FBXL17: variants seen among roughly 807,000 people sequenced by gnomAD.
FBXL17 encodes the protein F-box and leucine rich repeat protein 17.
A neutral mutation model predicts 66.2 loss-of-function variants in FBXL17; 22 were observed. That is an observed-to-expected ratio of 0.33 (90% CI 0.24 to 0.47). The LOEUF is 0.47. Ranked by LOEUF, FBXL17 falls within the 20% of genes least tolerant of loss-of-function variation. FBXL17 has a pLI of 1.00. For synonymous variants in FBXL17, 474 were observed against 400.5 expected, an observed-to-expected ratio of 1.18 and a Z score of -2.19; for missense variants, 878 against 948.2, an observed-to-expected ratio of 0.93 and a Z score of 0.97.
chr5:108,367,364 T>G (rs1748734351), intron 2 of FBXL17, among the ~76,000 whole-genome samples: 1 of 152,086 alleles, frequency 6.6e-6, no homozygotes, highest in Non-Finnish European at 1.5e-5. Context: ...CTTAGCCTAT[T>G]TTACTTCCAT....
chr5:107,980,742 C>T (rs1461095793), intron 7 of FBXL17, among the ~76,000 whole-genome samples: 6 of 141,814 alleles, frequency 4.2e-5, no homozygotes, highest in Admixed American at 2.1e-4. Flanking sequence ...CTGTCAGCTC[C>T]GCCTCCCGGG....
At chr5:108,176,940 A>T (rs966202450) in intron 6 of FBXL17, among the ~76,000 whole-genome samples, 3 of 152,148 alleles carry the variant, frequency 2.0e-5, no homozygotes, top group Non-Finnish European at 2.9e-5. Context: ...CCACATACTT[A>T]AAAAAGTAGA....
intron 7 of FBXL17, among the ~76,000 whole-genome samples, chr5:107,974,678 T>A (rs1752513533): frequency 6.6e-6 from 1 of 152,162 alleles, no homozygotes; most frequent in Non-Finnish European, 1.5e-5. Flanking sequence ...TTTTCTATTT[T>A]TTTTTTAGTT....
At chr5:108,361,498 T>C (rs2112552376) in intron 3 of FBXL17, among the ~76,000 whole-genome samples, 1 of 152,196 alleles carries the variant, frequency 6.6e-6, no homozygotes, top group Admixed American at 6.6e-5. Flanking sequence ...ACAGTCTTCT[T>C]AGGTCGTTCC....
intron 7 of FBXL17, among the ~76,000 whole-genome samples, chr5:107,912,450 G>T (rs1280321458): frequency 6.6e-6 from 1 of 151,968 alleles, no homozygotes; most frequent in Non-Finnish European, 1.5e-5. Context: ...ATAAAACATA[G>T]TATATTCATT....
intron 7 of FBXL17, among the ~76,000 whole-genome samples, chr5:108,016,765 TTTTTC>T (rs1430273240): frequency 1.6e-5 from 2 of 128,060 alleles, no homozygotes; most frequent in East Asian, 6.3e-4. Context: ...AAATTATCTT[TTTTTC>T]TTTCTTTCTT....
chr5:108,142,584 G>A lies in FBXL17; in HGVS notation c.1745+43533C>T, dbSNP rs140020704. 2.6e-3 allele frequency among the ~76,000 whole-genome samples: 392 copies of A among 152,238 alleles called. 4 individuals carry two copies. Among genetic ancestry groups the A allele is most frequent in the African/African-American group, 9.0e-3 (375 of 41,544 alleles). On this transcript the variant is annotated intron_variant, in intron 6 of 8. Coordinates refer to ENST00000542267, the MANE Select transcript of FBXL17 (RefSeq NM_001163315.3). Reference sequence around the variant, plus strand: ...TTGCTAACTGATTTTTTCGCCTAGAGCCTACATAAATAATATTAATTAGTA... The same window carrying A: ...TTGCTAACTGATTTTTTCGCCTAGAACCTACATAAATAATATTAATTAGTA...
In FBXL17 at chr5:108,242,349, T is replaced by TTTGTTGTTG. The variant is rs70996988; in HGVS notation, c.1507-18130_1507-18122dup. On this transcript the variant is annotated intron_variant, in intron 4 of 8. Coordinates refer to ENST00000542267, the MANE Select transcript of FBXL17 (RefSeq NM_001163315.3). The stretch of plus-strand genomic sequence containing the variant: ...GGCAGGTGCCACCATGCCTGGCTAG[T>TTTGTTGTTG]TTGTTGTTGTTGTTGTTGTTGTTGT... Among the ~76,000 whole-genome samples the TTTGTTGTTG allele has an allele frequency of 8.1e-3, 1,187 of 146,914 alleles. 11 individuals carry two copies. Among genetic ancestry groups the TTTGTTGTTG allele is most frequent in the Middle Eastern group, 0.017 (5 of 290 alleles).
chr5:108,380,329 C>T (rs1749754863), intron 1 of FBXL17, among the ~76,000 whole-genome samples: 2 of 152,160 alleles, frequency 1.3e-5, no homozygotes, highest in East Asian at 1.9e-4. Context: ...TGTTTAAAGA[C>T]TTTCAAACAC....
chr5:108,054,939 T>A (rs1747628648), intron 6 of FBXL17, among the ~76,000 whole-genome samples: 1 of 152,152 alleles, frequency 6.6e-6, no homozygotes, highest in Non-Finnish European at 1.5e-5. Context: ...TCTGGGATTT[T>A]AGCAGTACTT....
chr5:108,306,857 A>G (rs1247710210), intron 4 of FBXL17, among the ~76,000 whole-genome samples: 7 of 152,118 alleles, frequency 4.6e-5, no homozygotes, highest in Non-Finnish European at 7.4e-5. Context: ...CATTAAAAAA[A>G]GTCCAGGGTT....
intron 6 of FBXL17, among the ~76,000 whole-genome samples, chr5:108,075,227 A>G (rs1256806757): frequency 6.6e-6 from 1 of 151,770 alleles, no homozygotes; most frequent in Non-Finnish European, 1.5e-5. Flanking sequence ...AAAGCTACCT[A>G]TCTAAATGAA....
Position 108,151,700 on chromosome 5 carries a change from C to T in FBXL17, c.1745+34417G>A, listed in dbSNP as rs114449835. On this transcript the variant is annotated intron_variant, in intron 6 of 8. Coordinates refer to ENST00000542267, the MANE Select transcript of FBXL17 (RefSeq NM_001163315.3). Reference sequence around the variant, plus strand: ...AAAATCAAAACTAATCTTTCTATTACGCAAAATGGAAAGGCAATTTACATA... The same window carrying T: ...AAAATCAAAACTAATCTTTCTATTATGCAAAATGGAAAGGCAATTTACATA... Among the ~76,000 whole-genome samples the T allele has an allele frequency of 7.6e-3, 1,156 of 152,238 alleles. 15 individuals carry two copies. The highest frequency in any genetic ancestry group is 0.026 in the African/African-American group (1,077 of 41,540).
At chr5:108,197,515 T>C (rs767181467) in intron 5 of FBXL17, among the ~76,000 whole-genome samples, 1 of 152,142 alleles carries the variant, frequency 6.6e-6, no homozygotes, top group Non-Finnish European at 1.5e-5. Flanking sequence ...ATATTCCAAA[T>C]GAAAGTTTTA....
intron 4 of FBXL17, among the ~76,000 whole-genome samples, chr5:108,323,028 C>T (rs186087047): frequency 3.2e-4 from 49 of 151,974 alleles, no homozygotes; most frequent in African/African-American, 1.0e-3. Flanking sequence ...AAAGCTTTAC[C>T]TCTAATAACA....
At chr5:108,067,793 A>T (rs1748174190) in intron 6 of FBXL17, among the ~76,000 whole-genome samples, 1 of 152,192 alleles carries the variant, frequency 6.6e-6, no homozygotes, top group African/African-American at 2.4e-5. Flanking sequence ...ATTGAAACTG[A>T]TTCAACATTT....
rs191093253 is a variant in FBXL17 at position 107,918,677 on chromosome 5, C to G, written c.1823-37498G>C. Among the ~76,000 whole-genome samples, 344 of 152,212 alleles carry G rather than the reference C, an allele frequency of 2.3e-3. 1 individual carries two copies. The highest frequency in any genetic ancestry group is 8.0e-3 in the Admixed American group (122 of 15,290). ...CAGTATCTGTATTTGAAATAGTTACCTTACTGATAAATCTCTGTAAATGAC... is the reference window on the plus strand; with the variant it reads ...CAGTATCTGTATTTGAAATAGTTACGTTACTGATAAATCTCTGTAAATGAC... On this transcript the variant is annotated intron_variant, in intron 7 of 8. Transcript: ENST00000542267.
intron 6 of FBXL17, among the ~76,000 whole-genome samples, chr5:108,122,782 C>T (rs1750553825): frequency 6.6e-6 from 1 of 152,036 alleles, no homozygotes; most frequent in Admixed American, 6.6e-5. Flanking sequence ...GAGGAACTGC[C>T]CAGACAGCAC....
intron 4 of FBXL17, among the ~76,000 whole-genome samples, chr5:108,290,446 G>GT (rs1231612666): frequency 6.6e-6 from 1 of 152,076 alleles, no homozygotes; most frequent in Non-Finnish European, 1.5e-5. Flanking sequence ...TTGGTATTTG[G>GT]TAAGATTAAT....
Sources: allele counts gnomAD v4.1 joint callset (sites outside exome capture counted in the v4.1 genomes callset), GRCh38; gene constraint gnomAD v4.1.1; transcripts MANE v1.5; gene names NCBI Gene and HGNC (gene_info 2026-07-23, HGNC 2026-07-21).